The following PHF20 variants were observed in gnomAD, a reference collection of about 807,000 sequenced individuals.
PHF20 encodes the protein glioma-expressed antigen 2.
Under a neutral mutation model 113.5 loss-of-function variants are expected in PHF20, and 23 were observed. The ratio of observed to expected loss-of-function variants is 0.20; its 90% CI spans 0.15 to 0.29. The LOEUF is 0.29. PHF20 is among the 10% of genes least tolerant of loss of function. PHF20 has a pLI of 1.00. For missense variants in PHF20, 943 were observed against 1,219.6 expected (o/e 0.77, Z 3.38); for synonymous variants, 434 against 457.3 (o/e 0.95, Z 0.65).
chr20:35,815,207 ATAAATAAATAAG>A (rs891275693), intron 2 of PHF20, among the ~76,000 whole-genome samples: 1 of 151,884 alleles, frequency 6.6e-6, no homozygotes, highest in African/African-American at 2.4e-5. Flanking sequence ...CCGAAAAATT[ATAAATAAATAAG>A]TAAATAAATA....
chr20:35,900,236 A>G (rs1417997039), intron 10 of PHF20, among the ~76,000 whole-genome samples: 1 of 152,228 alleles, frequency 6.6e-6, no homozygotes, highest in Non-Finnish European at 1.5e-5. Context: ...GAAAAATTAC[A>G]TGTTTCCAGG....
At chr20:35,817,532 C>T (rs2042097531) in intron 2 of PHF20, among the ~76,000 whole-genome samples, 1 of 152,248 alleles carries the variant, frequency 6.6e-6, no homozygotes, top group African/African-American at 2.4e-5. Flanking sequence ...TGGTGTCCCA[C>T]ACCTGCAATC....
chr20:35,799,233 G>C (rs2041730246), intron 1 of PHF20, among the ~76,000 whole-genome samples: 1 of 144,946 alleles, frequency 6.9e-6, no homozygotes, highest in Non-Finnish European at 1.5e-5. Context: ...GCCCAGGCGG[G>C]AGGATTGCTT....
chr20:35,786,039 A>C (rs2041403664), intron 1 of PHF20, among the ~76,000 whole-genome samples: 3 of 150,858 alleles, frequency 2.0e-5, no homozygotes, highest in South Asian at 2.1e-4. Context: ...CTCAAAAAAA[A>C]AAAAAACAAA....
chr20:35,788,511 C>T (rs1309682756), intron 1 of PHF20, among the ~76,000 whole-genome samples: 1 of 152,174 alleles, frequency 6.6e-6, no homozygotes, highest in Non-Finnish European at 1.5e-5. Context: ...ACTGGGATTA[C>T]AGGTGTGAGC....
At chr20:35,817,610 A>G (rs2042099349) in intron 2 of PHF20, among the ~76,000 whole-genome samples, 1 of 152,104 alleles carries the variant, frequency 6.6e-6, no homozygotes, top group Admixed American at 6.6e-5. Flanking sequence ...AGCTGGGGGC[A>G]ACATGGCAAA....
At chr20:35,790,705 C>G (rs950875883) in intron 1 of PHF20, among the ~76,000 whole-genome samples, 7 of 152,092 alleles carry the variant, frequency 4.6e-5, no homozygotes, top group African/African-American at 1.7e-4. Flanking sequence ...CCCACAGCCC[C>G]TCTGCTAAAG....
At chr20:35,924,082 A>C (rs765845909) in intron 13 of PHF20, among the ~76,000 whole-genome samples, 2 of 152,102 alleles carry the variant, frequency 1.3e-5, no homozygotes, top group Admixed American at 6.6e-5. Context: ...AACCATTTTT[A>C]AGTATGCAAG....
chr20:35,786,260 G>A (rs1256615126), intron 1 of PHF20, among the ~76,000 whole-genome samples: 2 of 150,340 alleles, frequency 1.3e-5, no homozygotes, highest in African/African-American at 2.5e-5. Context: ...GTGTGGTGGC[G>A]TGTGCCTGTA....
chr20:35,924,019 G>C (rs2055570859), intron 13 of PHF20, among the ~76,000 whole-genome samples: 1 of 151,856 alleles, frequency 6.6e-6, no homozygotes, highest in Admixed American at 6.6e-5. Context: ...GCCTCCCAAA[G>C]TGCTAGGATT....
intron 1 of PHF20, among the ~76,000 whole-genome samples, chr20:35,772,836 T>C (rs1014345246): frequency 1.3e-5 from 2 of 152,190 alleles, no homozygotes; most frequent in Non-Finnish European, 2.9e-5. Flanking sequence ...TTGTATCCCC[T>C]CTACTCCAAG....
rs1340035070 is a variant in PHF20, at chr20:35,895,724, T to C, written c.1283-3646T>C. ...TTTTTGAGACAGAGTTTCACTCTTATTGCCCAAGCCAGAATGCAATGGCGC... is the reference window on the plus strand; with the variant it reads ...TTTTTGAGACAGAGTTTCACTCTTACTGCCCAAGCCAGAATGCAATGGCGC... On this transcript the variant is annotated intron_variant, in intron 9 of 17. Transcript: ENST00000374012. Among the ~76,000 whole-genome samples the C allele has an allele frequency of 2.0e-5, 3 of 150,202 alleles. No individual in the cohort carries two copies. In the East Asian group the frequency reaches 5.9e-4, roughly 29 times the overall value.
At chr20:35,786,471 AGGCGGG>A (rs2041418421) in intron 1 of PHF20, among the ~76,000 whole-genome samples, 1 of 152,178 alleles carries the variant, frequency 6.6e-6, no homozygotes, top group Non-Finnish European at 1.5e-5. Context: ...TGGGAGGCCG[AGGCGGG>A]TGGATCACAA....
Position 35,815,652 on chromosome 20 carries a change from A to C in PHF20, c.83+14047A>C, listed in dbSNP as rs1053981039. ...GGCTAATTTTTTGTATTTTTAGTAG[A>C]GGCAGGGTTTCACTGTGTTAGCCAG... On this transcript the variant is annotated intron_variant, in intron 2 of 17. Transcript: ENST00000374012. Among the ~76,000 whole-genome samples, 6 of 151,770 alleles carry C rather than the reference A, an allele frequency of 4.0e-5. 1 individual carries two copies. The highest frequency in any genetic ancestry group is 8.8e-5 in the Non-Finnish European group (6 of 67,918).
intron 4 of PHF20, among the ~76,000 whole-genome samples, chr20:35,855,999 A>G (rs149196836): frequency 3.9e-5 from 6 of 152,124 alleles, no homozygotes; most frequent in Admixed American, 1.3e-4. Context: ...AAAATGTACA[A>G]TTATTTTTGA....
intron 10 of PHF20, 79 bp from the exon 11 acceptor site, chr20:35,913,170 A>G (rs17093238): frequency 0.033 from 30,949 of 927,826 alleles, 864 homozygotes; most frequent in African/African-American, 0.13. Flanking sequence ...CCCATCGGAC[A>G]TGCTTGCTTA....
chr20:35,862,232 T>G lies in PHF20; in HGVS notation c.421-781T>G, dbSNP rs535489215. On this transcript the variant is annotated intron_variant, in intron 5 of 17. Coordinates refer to ENST00000374012, the MANE Select transcript of PHF20 (RefSeq NM_016436.5). Reference sequence around the variant, plus strand: ...TACCTGATAGAGAAAGCAGAGACCCTGGTTCTGGGTTGGATAATCTTTATA... The same window carrying G: ...TACCTGATAGAGAAAGCAGAGACCCGGGTTCTGGGTTGGATAATCTTTATA... Among the ~76,000 whole-genome samples the G allele has an allele frequency of 5.3e-5, 8 of 152,328 alleles. No homozygotes were observed. The South Asian group carries it at 1.7e-3, about 32-fold the overall frequency.
chr20:35,895,148 C>T (rs1317463040), intron 9 of PHF20, among the ~76,000 whole-genome samples: 1 of 152,150 alleles, frequency 6.6e-6, no homozygotes, highest in African/African-American at 2.4e-5. Flanking sequence ...CTCAGCTTCC[C>T]AAGTAGCTGG....
chr20:35,785,540 G>A (rs1053821001), intron 1 of PHF20, among the ~76,000 whole-genome samples: 5 of 151,502 alleles, frequency 3.3e-5, no homozygotes, highest in South Asian at 2.1e-4. Flanking sequence ...GGCTGGTCTC[G>A]AACTCCTGAC....
Sources: gnomAD v4.1 joint callset for allele counts (sites outside exome capture counted in the v4.1 genomes callset) on GRCh38, gnomAD v4.1.1 for gene constraint, MANE v1.5 for transcripts, NCBI Gene and HGNC (gene_info 2026-07-23, HGNC 2026-07-21) for gene names.